OCIAD1: variants seen among roughly 807,000 people sequenced by gnomAD.
OCIAD1 encodes the protein OCIA domain-containing protein 1.
In OCIAD1, 29 loss-of-function variants were observed where a neutral mutation model predicts 38.9. The ratio of observed to expected loss-of-function variants is 0.74; its 90% confidence interval spans 0.55 to 1.02. The LOEUF (loss-of-function observed/expected upper bound fraction) is 1.02. Among genes scored for constraint, OCIAD1 ranks in the 50% least tolerant of loss-of-function variants. The pLI is 0.00. For synonymous variants in OCIAD1, 110 were observed against 92.0 expected (o/e 1.20, Z -1.12); for missense variants, 288 against 289.6 (o/e 0.99, Z 0.04).
At chr4:48,848,521 C>A in intron 5 of OCIAD1, 75 bp downstream of exon 5, 1 of 706,126 alleles carries the variant, frequency 1.4e-6, no homozygotes, top group South Asian at 2.1e-5. Flanking sequence ...AATGTTTTAT[C>A]ATGTCTTACT....
intron 1 of OCIAD1, chr4:48,831,497 G>T: frequency 7.7e-7 from 1 of 1,290,588 alleles, no homozygotes; most frequent in Non-Finnish European, 1.0e-6. Flanking sequence ...GTAACGGCAG[G>T]TGGGAGACGG....
chr4:48,848,463 T>C lies in OCIAD1; in HGVS notation c.241+17T>C, dbSNP rs368096829. 35 of 1,321,008 alleles carry C rather than the reference T, an allele frequency of 2.6e-5. No individual in the cohort carries two copies. The highest frequency in any genetic ancestry group is 3.6e-5 in the Non-Finnish European group (34 of 938,900). 81.8% of individuals were successfully genotyped at this position (1,321,008 alleles called of 1,614,324 possible). A position where few individuals can be genotyped will look rare whatever the true frequency, so the allele number is the denominator to read the frequency against. ...AACTTATACGTAAGTATGAACAACA[T>C]TGTAGTTTTCATAGCTTTTTAAAAC... On this transcript the variant is annotated intron_variant, in intron 5 of 8. Coordinates refer to ENST00000264312, the MANE Select transcript of OCIAD1 (RefSeq NM_017830.4).
chr4:48,824,757 A>G (rs1777231906), intron 1 of OCIAD1, among the ~76,000 whole-genome samples: 1 of 152,030 alleles, frequency 6.6e-6, no homozygotes, highest in Non-Finnish European at 1.5e-5. Flanking sequence ...TTTGTTTTAG[A>G]CAGAGTCTTG....
chr4:48,860,674 C>A (rs2109641033), intron 8 of OCIAD1, 51 bp from the exon 9 acceptor site: 1 of 1,302,806 alleles, frequency 7.7e-7, no homozygotes, highest in East Asian at 2.3e-5. Context: ...AAAATAATGT[C>A]TTTTACTTAT....
intron 1 of OCIAD1, among the ~76,000 whole-genome samples, chr4:48,820,417 T>C (rs1272401923): frequency 6.6e-6 from 1 of 152,092 alleles, no homozygotes; most frequent in Non-Finnish European, 1.5e-5. Flanking sequence ...AAGAGGAAAA[T>C]TTATAGCACT....
upstream of OCIAD1, among the ~76,000 whole-genome samples, chr4:48,830,393 A>G (rs185511673): frequency 5.9e-5 from 9 of 152,350 alleles, no homozygotes; most frequent in African/African-American, 1.9e-4. Flanking sequence ...TTTAGTCACT[A>G]ATAACTTGCA....
At chr4:48,843,222 T>C (rs1438010535) in intron 4 of OCIAD1, among the ~76,000 whole-genome samples, 1 of 152,224 alleles carries the variant, frequency 6.6e-6, no homozygotes, top group Non-Finnish European at 1.5e-5. Flanking sequence ...TCCTAAAGTC[T>C]ATTGGCTCAA....
At chr4:48,833,912 C>T (rs899187586) in intron 3 of OCIAD1, among the ~76,000 whole-genome samples, 1 of 152,086 alleles carries the variant, frequency 6.6e-6, no homozygotes, top group Non-Finnish European at 1.5e-5. Flanking sequence ...ACTCTTAATG[C>T]TTTTAACCAT....
At chr4:48,858,127 C>G (rs1405363802) in intron 8 of OCIAD1, among the ~76,000 whole-genome samples, 1 of 152,060 alleles carries the variant, frequency 6.6e-6, no homozygotes, top group Non-Finnish European at 1.5e-5. Flanking sequence ...GCACTGCAGC[C>G]TGGATGACGG....
At chr4:48,842,016 C>G (rs531004827) in intron 3 of OCIAD1, among the ~76,000 whole-genome samples, 6 of 152,262 alleles carry the variant, frequency 3.9e-5, no homozygotes, top group Admixed American at 3.3e-4. Flanking sequence ...TATACTAGAG[C>G]TTAAAAGCTT....
At position 48,861,258 on chromosome 4, in the gene OCIAD1, TCTTC is replaced by T. The variant is rs1409276725; in HGVS notation, c.*500_*503del. 1 of 152,664 alleles carries T rather than the reference TCTTC, an allele frequency of 6.6e-6. No individual in the cohort carries two copies. The highest frequency in any genetic ancestry group is 1.5e-5 in the Non-Finnish European group (1 of 68,378). The allele number at this position is 152,664 out of a possible 1,614,324, so 9.5% of individuals were successfully genotyped here. On this transcript the variant is annotated 3_prime_UTR_variant, in exon 9 of 9. Coordinates refer to ENST00000264312, the MANE Select transcript of OCIAD1 (RefSeq NM_017830.4). ...GTAAAGGAACATGCAACAGCCCTCATCTTCCTTGATTTTATGGTTTTATTGTTTG... is the reference window on the plus strand; with the variant it reads ...GTAAAGGAACATGCAACAGCCCTCATCTTGATTTTATGGTTTTATTGTTTG...
chr4:48,806,173 A>G (rs948798946), intron 1 of OCIAD1, among the ~76,000 whole-genome samples: 18 of 152,038 alleles, frequency 1.2e-4, no homozygotes, highest in African/African-American at 4.1e-4. Context: ...AGGCTGAGGC[A>G]GGAGAATCGC....
intron 1 of OCIAD1, among the ~76,000 whole-genome samples, chr4:48,819,735 AAAAAAAAAAG>A (rs943167394): frequency 2.7e-5 from 4 of 145,890 alleles, no homozygotes; most frequent in African/African-American, 7.5e-5. Context: ...AAAAAAAAAA[AAAAAAAAAAG>A]GAGGGGTTGC....
At chr4:48,806,463 G>A (rs1202943433) in intron 1 of OCIAD1, among the ~76,000 whole-genome samples, 2 of 149,966 alleles carry the variant, frequency 1.3e-5, no homozygotes, top group Non-Finnish European at 3.0e-5. Flanking sequence ...CCTTTTTCTT[G>A]AAATTTATAA....
intron 7 of OCIAD1, chr4:48,855,921 A>T (rs1189437373): frequency 6.6e-6 from 1 of 152,218 alleles, no homozygotes; most frequent in Admixed American, 6.5e-5. Context: ...AGTTCTAAAT[A>T]AGTATCACAA....
intron 4 of OCIAD1, among the ~76,000 whole-genome samples, chr4:48,846,179 G>A (rs1778962652): frequency 6.6e-6 from 1 of 152,118 alleles, no homozygotes; most frequent in African/African-American, 2.4e-5. Flanking sequence ...ACAGTATGAA[G>A]GAACAACTTT....
chr4:48,814,231 G>C (rs371237747), intron 1 of OCIAD1, among the ~76,000 whole-genome samples: 3 of 150,490 alleles, frequency 2.0e-5, no homozygotes, highest in Non-Finnish European at 4.4e-5. Context: ...GTCACCTCCT[G>C]TGGAGGGGTT....
chr4:48,850,644 G>T (rs1779360565), intron 6 of OCIAD1, among the ~76,000 whole-genome samples: 1 of 152,124 alleles, frequency 6.6e-6, no homozygotes. Context: ...CGTGATCTCG[G>T]CTCACTGCAA....
intron 7 of OCIAD1, among the ~76,000 whole-genome samples, chr4:48,853,088 C>T (rs1779681048): frequency 6.6e-6 from 1 of 151,730 alleles, no homozygotes; most frequent in African/African-American, 2.4e-5. Context: ...ACTGTGTTGG[C>T]CAGGATGGTC....
Sources: allele counts gnomAD v4.1 joint callset (sites outside exome capture counted in the v4.1 genomes callset), GRCh38; gene constraint gnomAD v4.1.1; transcripts MANE v1.5; gene names NCBI Gene and HGNC (gene_info 2026-07-23, HGNC 2026-07-21).